CPNE4: variants seen among roughly 807,000 people sequenced by gnomAD.
CPNE4 encodes the protein copine 4.
Under a neutral mutation model 67.9 loss-of-function variants are expected in CPNE4, and 25 were observed. The ratio of observed to expected loss-of-function variants is 0.37; its 90% CI spans 0.27 to 0.51. The LOEUF (loss-of-function observed/expected upper bound fraction) is 0.51. Among genes scored for constraint, CPNE4 ranks in the 20% least tolerant of loss-of-function variants. The pLI, the probability that CPNE4 is intolerant of heterozygous loss-of-function variation, is 0.93. For missense variants in CPNE4, 464 were observed against 690.8 expected, an observed-to-expected ratio of 0.67 and a Z score of 3.68; for synonymous variants, 242 against 244.9, an observed-to-expected ratio of 0.99 and a Z score of 0.11.
chr3:131,602,847 G>T (rs918898879), intron 7 of CPNE4, among the ~76,000 whole-genome samples: 1 of 152,172 alleles, frequency 6.6e-6, no homozygotes, highest in African/African-American at 2.4e-5. Flanking sequence ...TTTGGGGACT[G>T]ATGGGTGGTT....
chr3:131,998,840 A>G (rs2073359143), intron 1 of CPNE4, among the ~76,000 whole-genome samples: 1 of 152,130 alleles, frequency 6.6e-6, no homozygotes, highest in Non-Finnish European at 1.5e-5. Context: ...AGAATAGTCT[A>G]GGCTGTTTAA....
At chr3:131,728,574 C>T (rs1422288848) in intron 2 of CPNE4, among the ~76,000 whole-genome samples, 1 of 152,070 alleles carries the variant, frequency 6.6e-6, no homozygotes, top group African/African-American at 2.4e-5. Flanking sequence ...ATCCACTGGA[C>T]ATATTTGAGA....
At chr3:131,744,271 G>GT (rs1319492346) in intron 2 of CPNE4, among the ~76,000 whole-genome samples, 1 of 152,010 alleles carries the variant, frequency 6.6e-6, no homozygotes, top group African/African-American at 2.4e-5. Flanking sequence ...AAAGTGATTG[G>GT]TTTTTCTCTA....
intron 10 of CPNE4, among the ~76,000 whole-genome samples, chr3:131,574,320 T>A (rs1937486738): frequency 6.6e-6 from 1 of 152,088 alleles, no homozygotes; most frequent in African/African-American, 2.4e-5. Flanking sequence ...TTTCTGGAAG[T>A]CACATCTGAC....
chr3:132,036,979 A>C (rs952932942), upstream of CPNE4, among the ~76,000 whole-genome samples: 1 of 152,178 alleles, frequency 6.6e-6, no homozygotes, highest in African/African-American at 2.4e-5. Flanking sequence ...AAATAAATCC[A>C]GGGTGTGGGC....
At chr3:131,806,838 GA>G (rs1360758546) in intron 2 of CPNE4, among the ~76,000 whole-genome samples, 1 of 152,164 alleles carries the variant, frequency 6.6e-6, no homozygotes, top group Non-Finnish European at 1.5e-5. Flanking sequence ...AGTCTTCCTG[GA>G]TTTGTTTCGA....
intron 2 of CPNE4, among the ~76,000 whole-genome samples, chr3:131,821,418 T>C (rs964029908): frequency 6.6e-6 from 1 of 152,200 alleles, no homozygotes; most frequent in African/African-American, 2.4e-5. Context: ...TTGTGAGAAT[T>C]CTGGACAGAT....
At chr3:131,688,668 T>C (rs995103463) in intron 5 of CPNE4, among the ~76,000 whole-genome samples, 2 of 152,144 alleles carry the variant, frequency 1.3e-5, no homozygotes, top group Non-Finnish European at 2.9e-5. Flanking sequence ...GTAAGAACTT[T>C]CTCATTTTTT....
intron 5 of CPNE4, among the ~76,000 whole-genome samples, chr3:131,689,956 TG>T (rs1431628798): frequency 6.6e-5 from 10 of 151,786 alleles, no homozygotes; most frequent in Non-Finnish European, 1.5e-4. Context: ...CTAGAAAAAA[TG>T]AAATGCCTAG....
At chr3:131,755,428 G>T (rs2082730011) in intron 2 of CPNE4, among the ~76,000 whole-genome samples, 1 of 152,080 alleles carries the variant, frequency 6.6e-6, no homozygotes, top group African/African-American at 2.4e-5. Context: ...TTCCTCCTCA[G>T]ATGTTAAAAA....
intron 7 of CPNE4, among the ~76,000 whole-genome samples, chr3:131,658,471 T>G (rs4854763): frequency 0.88 from 134,381 of 152,246 alleles, 59,390 homozygotes; most frequent in East Asian, 0.97. Flanking sequence ...AATGAGCTCA[T>G]GTTCCCAAGA....
intron 2 of CPNE4, among the ~76,000 whole-genome samples, chr3:131,743,958 G>A (rs1193879567): frequency 1.7e-4 from 2 of 11,486 alleles, no homozygotes; most frequent in East Asian, 4.5e-3. Flanking sequence ...GCGAGACTCC[G>A]TCTCAAAAAA....
rs1380711289 is a variant in CPNE4, at chr3:131,547,484, AAAAAAAAAAAAAAAAAAC to A, written c.1302+2445_1302+2462del. ...AAAAAAAAAAAAAAAAAAAAAAAAA[AAAAAAAAAAAAAAAAAAC>A]CTAATAGTGTTCATGGCTTCTGAAA... On this transcript the variant is annotated intron_variant, in intron 14 of 15. Coordinates refer to ENST00000429747, the MANE Select transcript of CPNE4 (RefSeq NM_130808.3). Among the ~76,000 whole-genome samples, 422 of 144,184 alleles carry A rather than the reference AAAAAAAAAAAAAAAAAAC, an allele frequency of 2.9e-3. 11 individuals carry two copies. Among genetic ancestry groups the A allele is most frequent in the South Asian group, 9.3e-3 (41 of 4,400 alleles). 94.6% of individuals were successfully genotyped at this position (144,184 alleles called of 152,430 possible).
At chr3:131,603,750 G>T (rs1176109800) in intron 7 of CPNE4, among the ~76,000 whole-genome samples, 1 of 152,136 alleles carries the variant, frequency 6.6e-6, no homozygotes, top group Non-Finnish European at 1.5e-5. Context: ...GCATTTTGAA[G>T]AAAGAGTCTC....
At position 131,691,711 on chromosome 3, in the gene CPNE4, T is replaced by TA. The variant is rs879664170; in HGVS notation, c.507+4830dup. ...GCATCTAAAATAAAAGTTGAAATAT[T>TA]AAAAAAAAAGTGGGCTACTATGATG... On this transcript the variant is annotated intron_variant, in intron 5 of 15. Coordinates refer to ENST00000429747, the MANE Select transcript of CPNE4 (RefSeq NM_130808.3). 3.4e-4 allele frequency among the ~76,000 whole-genome samples: 51 copies of TA among 150,760 alleles called. 1 individual carries two copies. The highest frequency in any genetic ancestry group is 8.6e-4 in the Admixed American group (13 of 15,144).
intron 2 of CPNE4, among the ~76,000 whole-genome samples, chr3:131,871,167 G>C (rs974197993): frequency 6.6e-6 from 1 of 152,126 alleles, no homozygotes; most frequent in East Asian, 1.9e-4. Context: ...GAAAGAACTA[G>C]AAACAGAAAA....
intron 2 of CPNE4, among the ~76,000 whole-genome samples, chr3:131,793,847 C>T (rs2083849276): frequency 6.6e-6 from 1 of 152,142 alleles, no homozygotes; most frequent in Admixed American, 6.6e-5. Flanking sequence ...GTCCTCATGT[C>T]AGGAGTTACT....
chr3:131,968,117 C>T (rs2072402579), intron 1 of CPNE4, among the ~76,000 whole-genome samples: 1 of 152,318 alleles, frequency 6.6e-6, no homozygotes, highest in African/African-American at 2.4e-5. Context: ...AAATGATTCC[C>T]TATTTAATAA....
upstream of CPNE4, chr3:132,037,834 G>T (rs1179131813): frequency 9.6e-6 from 5 of 520,714 alleles, no homozygotes; most frequent in Non-Finnish European, 1.4e-5. Flanking sequence ...GAAGAAATGT[G>T]GATTCTTACC....
Sources: allele counts gnomAD v4.1 joint callset (sites outside exome capture counted in the v4.1 genomes callset), GRCh38; gene constraint gnomAD v4.1.1; transcripts MANE v1.5; gene names NCBI Gene and HGNC (gene_info 2026-07-23, HGNC 2026-07-21).